DIAPH2: variants seen among roughly 807,000 people sequenced by gnomAD.
DIAPH2 encodes diaphanous related formin 2.
DIAPH2 carries 35 observed loss-of-function variants against 92.7 expected under a neutral mutation model. That is an observed-to-expected ratio of 0.38 (90% CI 0.29 to 0.50). DIAPH2 has a LOEUF of 0.50. Among genes scored for constraint, DIAPH2 ranks in the 20% least tolerant of loss-of-function variants. The pLI is 0.94. For synonymous variants in DIAPH2, 301 were observed against 280.4 expected (o/e 1.07, Z -0.73); for missense variants, 701 against 819.5 (o/e 0.86, Z 1.77).
At position 97,439,484 on chromosome X, in the gene DIAPH2, C is replaced by T. The variant is rs1569397887; in HGVS notation, c.3241+9739C>T. Among the ~76,000 whole-genome samples the T allele has an allele frequency of 2.7e-5, 3 of 109,894 alleles. No homozygotes were observed. The South Asian group carries it at 1.2e-3, about 43-fold the overall frequency. On this transcript the variant is annotated intron_variant, in intron 26 of 26. Transcript: ENST00000324765. The stretch of plus-strand genomic sequence containing the variant: ...GCTACTTGGGCTGAGGCAGGAGAAT[C>T]GCTTGAACCCAGGAGGCAGAGGTTG...
chrX:97,512,201 T>A (rs779787615), intron 26 of DIAPH2, among the ~76,000 whole-genome samples: 85 of 113,620 alleles, frequency 7.5e-4, no homozygotes, highest in African/African-American at 2.7e-3. Flanking sequence ...CTTATTGGTC[T>A]ACTCAGAGAT....
intron 23 of DIAPH2, among the ~76,000 whole-genome samples, chrX:97,258,891 ACAACAAC>A (rs1339674307): frequency 3.2e-5 from 3 of 92,528 alleles, no homozygotes; most frequent in African/African-American, 1.2e-4. Context: ...AAAAAAAAAA[ACAACAAC>A]AACAACAACA....
chrX:97,604,755 C>T lies in DIAPH2; in HGVS notation c.*5438C>T, dbSNP rs1218832963. The stretch of plus-strand genomic sequence containing the variant: ...AAGGGTTCTTTACAAGCTTATTTTA[C>T]ATACCGTGAATCCCTCACCTAAAGG... On this transcript the variant is annotated 3_prime_UTR_variant, in exon 27 of 27. Coordinates refer to ENST00000324765, the MANE Select transcript of DIAPH2 (RefSeq NM_006729.5). 1.8e-5 allele frequency: 2 copies of T among 112,059 alleles called. No individual in the cohort carries two copies. The highest frequency in any genetic ancestry group is 3.8e-5 in the Non-Finnish European group (2 of 53,181). 9.2% of individuals were successfully genotyped at this position (112,059 alleles called of 1,213,427 possible).
chrX:97,476,138 C>A (rs1333585965), intron 26 of DIAPH2, among the ~76,000 whole-genome samples: 4 of 112,118 alleles, frequency 3.6e-5, no homozygotes, highest in Non-Finnish European at 7.5e-5. Flanking sequence ...ATTTAAAGAT[C>A]AGTCACATCA....
intron 26 of DIAPH2, among the ~76,000 whole-genome samples, chrX:97,561,729 C>T (rs2071295403): frequency 8.9e-6 from 1 of 112,496 alleles, no homozygotes; most frequent in African/African-American, 3.2e-5. Context: ...TTTGCTAAGA[C>T]TTCCCATTGG....
At chrX:96,814,129 G>C (rs2064710605) in intron 4 of DIAPH2, among the ~76,000 whole-genome samples, 1 of 111,606 alleles carries the variant, frequency 9.0e-6, no homozygotes, top group African/African-American at 3.3e-5. Flanking sequence ...TTTCCAACTT[G>C]GTTCCATTCT....
chrX:97,022,401 A>T (rs1277046523), intron 17 of DIAPH2, among the ~76,000 whole-genome samples: 1 of 111,844 alleles, frequency 8.9e-6, no homozygotes, highest in Non-Finnish European at 1.9e-5. Context: ...GAATAGTAAA[A>T]GTTCAGCTGT....
chrX:97,524,439 G>C (rs2071011372), intron 26 of DIAPH2, among the ~76,000 whole-genome samples: 1 of 112,025 alleles, frequency 8.9e-6, no homozygotes, highest in African/African-American at 3.2e-5. Flanking sequence ...TGCTTTCCAT[G>C]TCCATGTGCC....
intron 17 of DIAPH2, among the ~76,000 whole-genome samples, chrX:97,050,623 C>T (rs1378547424): frequency 1.9e-5 from 2 of 106,949 alleles, no homozygotes; most frequent in Middle Eastern, 4.7e-3. Context: ...CAAAGATGTT[C>T]GCTTTAGCTT....
chrX:97,317,249 T>C (rs762263174), intron 23 of DIAPH2, among the ~76,000 whole-genome samples: 4 of 111,804 alleles, frequency 3.6e-5, no homozygotes, highest in African/African-American at 9.7e-5. Context: ...AATCCATTGT[T>C]TGTCTGTGGT....
intron 22 of DIAPH2, among the ~76,000 whole-genome samples, chrX:97,183,315 C>G (rs965981072): frequency 9.0e-6 from 1 of 111,034 alleles, no homozygotes. Flanking sequence ...CTGGCTGGCT[C>G]CTCCTTGGAA....
intron 22 of DIAPH2, among the ~76,000 whole-genome samples, chrX:97,178,593 C>T (rs919773604): frequency 9.2e-6 from 1 of 108,132 alleles, no homozygotes; most frequent in Non-Finnish European, 1.9e-5. Context: ...GCTAGGATTA[C>T]AGGCGCCCAC....
intron 25 of DIAPH2, among the ~76,000 whole-genome samples, chrX:97,423,643 C>T (rs768652244): frequency 2.0e-4 from 22 of 111,497 alleles, no homozygotes; most frequent in South Asian, 1.5e-3. Flanking sequence ...ATGCATGCAG[C>T]CCACCTAAGT....
intron 17 of DIAPH2, among the ~76,000 whole-genome samples, chrX:97,065,329 G>C (rs903869137): frequency 9.0e-6 from 1 of 111,705 alleles, no homozygotes; most frequent in Non-Finnish European, 1.9e-5. Flanking sequence ...AAGGTTAACA[G>C]GAAACCACCT....
intron 19 of DIAPH2, among the ~76,000 whole-genome samples, chrX:97,085,384 AC>A (rs760602080): frequency 5.8e-4 from 65 of 111,523 alleles, no homozygotes; most frequent in African/African-American, 1.7e-3. Flanking sequence ...TAGAAACATG[AC>A]CTTTTCCAAA....
At chrX:97,178,678 T>C (rs1038604690) in intron 22 of DIAPH2, among the ~76,000 whole-genome samples, 11 of 110,234 alleles carry the variant, frequency 1.0e-4, no homozygotes, top group Non-Finnish European at 1.7e-4. Flanking sequence ...GACAGGTCTA[T>C]ATTTCTTTCC....
At chrX:97,216,956 G>A (rs1432774095) in intron 22 of DIAPH2, among the ~76,000 whole-genome samples, 1 of 111,707 alleles carries the variant, frequency 9.0e-6, no homozygotes, top group Admixed American at 9.5e-5. Flanking sequence ...AGAAACTTCT[G>A]CCATACCTAA....
rs73552501 is a variant in DIAPH2, at chrX:97,469,899, A to G, written c.3241+40154A>G. On this transcript the variant is annotated intron_variant, in intron 26 of 26. Coordinates refer to ENST00000324765, the MANE Select transcript of DIAPH2 (RefSeq NM_006729.5). The stretch of plus-strand genomic sequence containing the variant: ...GGCTTTCTGATAAAATTTATGCTAT[A>G]TGCCCCTTAATACCGATTTCATGAT... The G allele has an allele frequency of 3.7e-3, 3,356 of 909,903 alleles. 61 individuals are homozygous for G. In the African/African-American group the frequency reaches 0.057, roughly 16 times the overall value. 75.0% of individuals were successfully genotyped at this position (909,903 alleles called of 1,213,427 possible).
chrX:97,487,002 G>A (rs1028436645), intron 26 of DIAPH2, among the ~76,000 whole-genome samples: 8 of 112,051 alleles, frequency 7.1e-5, no homozygotes, highest in African/African-American at 1.3e-4. Context: ...GCTCATAAAC[G>A]TGGAATCCCG....
Sources: allele counts gnomAD v4.1 joint callset (sites outside exome capture counted in the v4.1 genomes callset), GRCh38; gene constraint gnomAD v4.1.1; transcripts MANE v1.5; gene names NCBI Gene and HGNC (gene_info 2026-07-23, HGNC 2026-07-21).